PCSK5: variants seen among roughly 807,000 people sequenced by gnomAD.
PCSK5 encodes the protein proprotein convertase subtilisin/kexin type 5.
In PCSK5, 129 loss-of-function variants were observed where a neutral mutation model predicts 233.2. The ratio of observed to expected loss-of-function variants is 0.55; its 90% CI spans 0.48 to 0.64. The LOEUF is 0.64. Among genes scored for constraint, PCSK5 ranks in the 30% least tolerant of loss-of-function variants. PCSK5 has a pLI of 0.00. For missense variants in PCSK5, 2,076 were observed against 2,430.1 expected (o/e 0.85, Z 3.06); for synonymous variants, 825 against 879.2 (o/e 0.94, Z 1.09).
In PCSK5 at chr9:76,362,561, G is replaced by A. The variant is rs1830446440; in HGVS notation, c.*3639G>A. ...CTCATCAGCACTGCCTCAATCTAAGGGAGGAAACCACCCCTCATATTGTCT... is the reference window on the plus strand; with the variant it reads ...CTCATCAGCACTGCCTCAATCTAAGAGAGGAAACCACCCCTCATATTGTCT... On this transcript the variant is annotated 3_prime_UTR_variant, in exon 38 of 38. Transcript: ENST00000674117. Among the ~76,000 whole-genome samples, 1 of 152,076 alleles carries A rather than the reference G, an allele frequency of 6.6e-6. No individual in the cohort carries two copies. The highest frequency in any genetic ancestry group is 6.6e-5 in the Admixed American group (1 of 15,256).
intron 5 of PCSK5, among the ~76,000 whole-genome samples, chr9:76,055,400 T>C (rs1231982542): frequency 6.6e-6 from 1 of 152,166 alleles, no homozygotes; most frequent in African/African-American, 2.4e-5. Context: ...TCTTTTTACT[T>C]CTTAAATTTT....
intron 20 of PCSK5, chr9:76,193,207 C>G: frequency 6.2e-7 from 1 of 1,607,448 alleles, no homozygotes; most frequent in Non-Finnish European, 8.5e-7. Context: ...GTCTTCAACT[C>G]CCCTTCTCTC....
chr9:75,986,304 A>C, intron 3 of PCSK5, 59 bp downstream of exon 3: 1 of 978,638 alleles, frequency 1.0e-6, no homozygotes, highest in Admixed American at 1.7e-5. Flanking sequence ...TGTTGTATGC[A>C]GAGAATCTGT....
chr9:76,165,627 G>A (rs1823055025), intron 12 of PCSK5, among the ~76,000 whole-genome samples: 1 of 152,196 alleles, frequency 6.6e-6, no homozygotes, highest in Admixed American at 6.5e-5. Flanking sequence ...TGCATAATTT[G>A]TGCCATCGCA....
intron 5 of PCSK5, among the ~76,000 whole-genome samples, chr9:76,046,398 G>A (rs1208660719): frequency 6.6e-6 from 1 of 150,460 alleles, no homozygotes; most frequent in Non-Finnish European, 1.5e-5. Flanking sequence ...GGTTTGTCTC[G>A]AACTCTTGAC....
In PCSK5 at chr9:75,891,325, G is replaced by T; in HGVS notation, c.144G>T (p.Pro48=). Residue 48 remains proline (P), a synonymous_variant, in exon 1 of 38, where the codon CCG becomes CCT. Coordinates refer to ENST00000674117, the MANE Select transcript of PCSK5 (RefSeq NM_001372043.1). ...CAGTCAAAATCGCCGGGGGCTTCCCGGAGGCCAACCGTATCGCCAGCAAGT... is the reference window on the plus strand; with the variant it reads ...CAGTCAAAATCGCCGGGGGCTTCCCTGAGGCCAACCGTATCGCCAGCAAGT... ...HWAVKIAGGF[P]EANRIASKYG... 6.4e-7 allele frequency: 1 copy of T among 1,561,688 alleles called. No homozygotes were observed. Among genetic ancestry groups the T allele is most frequent in the Non-Finnish European group, 8.6e-7 (1 of 1,157,752 alleles).
chr9:76,212,293 G>C (rs777008846), intron 20 of PCSK5, among the ~76,000 whole-genome samples: 2 of 152,196 alleles, frequency 1.3e-5, no homozygotes, highest in African/African-American at 4.8e-5. Context: ...ATGGCTGTAG[G>C]GGGAAGGGGC....
chr9:76,354,182 C>A lies in PCSK5; in HGVS notation c.5217C>A (p.Pro1739=), dbSNP rs761592847. 6.3e-6 allele frequency: 10 copies of A among 1,589,418 alleles called. No homozygotes were observed. The East Asian group carries it at 2.3e-4, about 36-fold the overall frequency. The stretch of plus-strand genomic sequence containing the variant: ...ACTGCTGCAACACCTCTGATCCCCC[C>A]AGTGCCCAGGAGTGCTGTGACTGCC... ...CLHCCNTSDP[P]SAQECCDCQD... The change falls in exon 37 of 38, where the codon CCC becomes CCA. Residue 1739 remains proline, a synonymous_variant. Coordinates refer to ENST00000674117, the MANE Select transcript of PCSK5 (RefSeq NM_001372043.1).
chr9:75,897,445 A>G (rs1244307617), intron 1 of PCSK5, among the ~76,000 whole-genome samples: 2 of 149,784 alleles, frequency 1.3e-5, no homozygotes, highest in African/African-American at 4.9e-5. Context: ...GCCCTTGTTT[A>G]TAAGACATAT....
chr9:76,190,078 A>G (rs1310610868), intron 20 of PCSK5, among the ~76,000 whole-genome samples: 1 of 152,116 alleles, frequency 6.6e-6, no homozygotes, highest in African/African-American at 2.4e-5. Flanking sequence ...TTTTCCCCAC[A>G]CAGGCATAGC....
rs1165153342 is a variant in PCSK5, at chr9:76,121,907, T to C, written c.1209-12202T>C. 3.1e-5 allele frequency among the ~76,000 whole-genome samples: 3 copies of C among 97,962 alleles called. 1 individual carries two copies. The highest frequency in any genetic ancestry group is 9.9e-5 in the African/African-American group (3 of 30,410). The allele number at this position is 97,962 out of a possible 152,430, so 64.3% of individuals were successfully genotyped here. A position where few individuals can be genotyped will look rare whatever the true frequency, so the allele number is the denominator to read the frequency against. ...GGCGGGATCTCGGCTCACTGCAAGC[T>C]CCGCCTCCCGGGTTCACGCCATTCT... On this transcript the variant is annotated intron_variant, in intron 9 of 37. Coordinates refer to ENST00000674117, the MANE Select transcript of PCSK5 (RefSeq NM_001372043.1).
At chr9:76,058,275 C>A (rs1374376492) in intron 5 of PCSK5, among the ~76,000 whole-genome samples, 1 of 152,134 alleles carries the variant, frequency 6.6e-6, no homozygotes, top group African/African-American at 2.4e-5. Flanking sequence ...CTCATCCAGC[C>A]TGGAGGTATT....
intron 2 of PCSK5, among the ~76,000 whole-genome samples, chr9:75,940,110 A>G (rs7044428): frequency 0.52 from 78,562 of 152,040 alleles, 20,504 homozygotes; most frequent in Middle Eastern, 0.56. Flanking sequence ...GAATTTTTTC[A>G]GATCTGTTTG....
chr9:76,211,597 C>T (rs146271235), intron 20 of PCSK5, among the ~76,000 whole-genome samples: 49 of 152,320 alleles, frequency 3.2e-4, no homozygotes, highest in African/African-American at 1.2e-3. Flanking sequence ...CCTGTAATCC[C>T]AGCACTTGGG....
chr9:76,023,989 T>C (rs1457710618), intron 4 of PCSK5, 108 bp downstream of exon 4: 3 of 919,222 alleles, frequency 3.3e-6, no homozygotes, highest in African/African-American at 1.7e-5. Flanking sequence ...CAACGTACAA[T>C]AGGGTATTGT....
chr9:76,284,518 CTTT>C (rs35359559), intron 24 of PCSK5, among the ~76,000 whole-genome samples: 2 of 127,290 alleles, frequency 1.6e-5, no homozygotes, highest in Non-Finnish European at 3.2e-5. Context: ...CCATTAAACC[CTTT>C]TTTTTTTTTT....
At chr9:76,209,225 T>G (rs564609302) in intron 20 of PCSK5, among the ~76,000 whole-genome samples, 1 of 152,328 alleles carries the variant, frequency 6.6e-6, no homozygotes, top group Admixed American at 6.5e-5. Context: ...TCCAGCGTAA[T>G]GTACACACCT....
intron 20 of PCSK5, chr9:76,205,094 T>G: frequency 1.9e-6 from 1 of 518,854 alleles, no homozygotes; most frequent in South Asian, 1.4e-5. Context: ...TCACCATATC[T>G]GTCATTTCTT....
chr9:75,916,067 TAAG>T (rs1380526871), intron 1 of PCSK5, among the ~76,000 whole-genome samples: 2 of 152,198 alleles, frequency 1.3e-5, no homozygotes, highest in African/African-American at 4.8e-5. Flanking sequence ...CTTTTTATGT[TAAG>T]AAAGAAAATT....
Sources: allele counts gnomAD v4.1 joint callset (sites outside exome capture counted in the v4.1 genomes callset), GRCh38; gene constraint gnomAD v4.1.1; transcripts MANE v1.5; gene names NCBI Gene and HGNC (gene_info 2026-07-23, HGNC 2026-07-21).